The following KCNAB1 variants were observed in gnomAD, a reference collection of about 807,000 sequenced individuals.
The protein encoded by KCNAB1 is potassium voltage-gated channel subfamily A regulatory beta subunit 1, also known as voltage-gated potassium channel subunit beta-1.
Under a neutral mutation model 64.6 loss-of-function variants are expected in KCNAB1, and 35 were observed. That is an observed-to-expected ratio of 0.54 (90% CI 0.41 to 0.72). The LOEUF (loss-of-function observed/expected upper bound fraction) is 0.72, where lower values mean the gene tolerates loss of function less well. KCNAB1 is among the 30% of genes least tolerant of loss of function. The pLI is 0.00. For synonymous variants in KCNAB1, 177 were observed against 183.8 expected, an observed-to-expected ratio of 0.96 and a Z score of 0.30; for missense variants, 401 against 512.9, an observed-to-expected ratio of 0.78 and a Z score of 2.11.
At chr3:156,448,123 T>C (rs972390929) in intron 2 of KCNAB1, among the ~76,000 whole-genome samples, 4 of 152,244 alleles carry the variant, frequency 2.6e-5, no homozygotes, top group African/African-American at 4.8e-5. Context: ...AAATATTCCT[T>C]GGTCCATAAA....
At chr3:156,349,055 TC>T (rs2108080727) in intron 1 of KCNAB1, among the ~76,000 whole-genome samples, 2 of 152,324 alleles carry the variant, frequency 1.3e-5, no homozygotes, top group Non-Finnish European at 2.9e-5. Context: ...AGCTACTGTT[TC>T]CCCTACTTTA....
intron 4 of KCNAB1, among the ~76,000 whole-genome samples, chr3:156,458,503 C>T (rs947463400): frequency 2.0e-5 from 3 of 152,208 alleles, no homozygotes; most frequent in African/African-American, 4.8e-5. Flanking sequence ...AATTGCTGGA[C>T]TTGCTGAATC....
intron 1 of KCNAB1, among the ~76,000 whole-genome samples, chr3:156,271,038 A>G (rs573063457): frequency 3.3e-5 from 5 of 152,354 alleles, no homozygotes; most frequent in African/African-American, 1.2e-4. Context: ...GCTTCTACTG[A>G]AAAGTGTGCT....
At chr3:156,215,785 A>G (rs1715279923) in intron 1 of KCNAB1, 1 of 152,248 alleles carries the variant, frequency 6.6e-6, no homozygotes, top group South Asian at 2.1e-4. Context: ...GAACTGAGGT[A>G]AGAATGGCCT....
chr3:156,169,243 A>G (rs1711802922), intron 1 of KCNAB1, among the ~76,000 whole-genome samples: 1 of 152,348 alleles, frequency 6.6e-6, no homozygotes, highest in East Asian at 1.9e-4. Flanking sequence ...AAGCTCATTT[A>G]GTCTCAATAT....
At chr3:156,137,965 G>T (rs1474272831) in intron 1 of KCNAB1, among the ~76,000 whole-genome samples, 2 of 152,038 alleles carry the variant, frequency 1.3e-5, no homozygotes, top group African/African-American at 4.8e-5. Context: ...TCCCAGACTG[G>T]GTTTAGCCTC....
chr3:156,455,352 C>T (rs1712322729), intron 3 of KCNAB1, among the ~76,000 whole-genome samples: 1 of 152,174 alleles, frequency 6.6e-6, no homozygotes, highest in East Asian at 1.9e-4. Flanking sequence ...GGGGATGTCC[C>T]CATCACTGGG....
At chr3:156,180,702 A>G (rs1712747464) in intron 1 of KCNAB1, among the ~76,000 whole-genome samples, 1 of 152,218 alleles carries the variant, frequency 6.6e-6, no homozygotes. Context: ...AGAGATGAGT[A>G]AAACATCATC....
intron 1 of KCNAB1, among the ~76,000 whole-genome samples, chr3:156,305,516 C>T (rs116563134): frequency 0.019 from 2,943 of 152,290 alleles, 28 homozygotes; most frequent in South Asian, 0.032. Context: ...TTCACATTCA[C>T]GATGGGCTTC....
At chr3:156,360,647 C>G (rs747100387) in intron 1 of KCNAB1, among the ~76,000 whole-genome samples, 8 of 151,558 alleles carry the variant, frequency 5.3e-5, no homozygotes, top group Admixed American at 5.3e-4. Flanking sequence ...CCCAAGAGGT[C>G]AAGGCTGTAG....
rs150630685 is a variant in KCNAB1, at chr3:156,314,466, C to A, written c.276-107150C>A. Among the ~76,000 whole-genome samples the A allele has an allele frequency of 2.3e-3, 349 of 152,278 alleles. 4 individuals carry two copies. The highest frequency in any genetic ancestry group is 7.9e-3 in the African/African-American group (329 of 41,556). On this transcript the variant is annotated intron_variant, in intron 1 of 13. Transcript: ENST00000490337. Reference sequence around the variant, plus strand: ...AGGAATTCTATCAAAGGCCACCCAACCTGCCTGACTCCAGGGGCCAGCCTC... The same window carrying A: ...AGGAATTCTATCAAAGGCCACCCAAACTGCCTGACTCCAGGGGCCAGCCTC...
chr3:156,154,251 A>G (rs1715585004), intron 1 of KCNAB1, among the ~76,000 whole-genome samples: 1 of 151,694 alleles, frequency 6.6e-6, no homozygotes. Context: ...TGTCTAACAC[A>G]CTCATATTAC....
chr3:156,132,828 G>A (rs930798158), intron 1 of KCNAB1, among the ~76,000 whole-genome samples: 4 of 152,182 alleles, frequency 2.6e-5, no homozygotes, highest in Non-Finnish European at 5.9e-5. Context: ...AGAAGCAGGA[G>A]ACAGTGTGGT....
intron 8 of KCNAB1, among the ~76,000 whole-genome samples, chr3:156,482,129 T>A (rs538098974): frequency 6.6e-6 from 1 of 152,088 alleles, no homozygotes; most frequent in Non-Finnish European, 1.5e-5. Flanking sequence ...AGCCCTTTTT[T>A]TCCTCCTAAA....
intron 12 of KCNAB1, among the ~76,000 whole-genome samples, chr3:156,525,169 C>A (rs538632874): frequency 6.6e-6 from 1 of 151,884 alleles, no homozygotes; most frequent in South Asian, 2.1e-4. Flanking sequence ...AAAAAGTTAA[C>A]TGTAAAACAG....
In KCNAB1 at chr3:156,120,738, A is replaced by G. The variant is rs72554022; in HGVS notation, c.127A>G (p.Lys43Glu). The G allele has an allele frequency of 4.4e-5, 71 of 1,614,234 alleles. No homozygotes were observed. Among genetic ancestry groups the G allele is most frequent in the East Asian group, 2.2e-5 (1 of 44,886 alleles). ...KSPKKASENA[K>E]DSSLSPSGES... The stretch of plus-strand genomic sequence containing the variant: ...TCCCAAGAAAGCCTCAGAAAACGCT[A>G]AAGACAGCAGCCTTAGTCCCTCAGG... The change falls in exon 1 of 14, where the codon AAA becomes GAA. Residue 43 changes from lysine (K) to glutamate (E), a missense_variant. Physicochemically the swap from Lys to Glu is moderately conservative, Grantham distance 56. Transcript: ENST00000490337.
At chr3:156,122,323 G>A (rs183803900) in intron 1 of KCNAB1, among the ~76,000 whole-genome samples, 3 of 152,272 alleles carry the variant, frequency 2.0e-5, no homozygotes. Flanking sequence ...AAGTGGCAAA[G>A]GAAAGCATTG....
chr3:156,389,138 G>T (rs1207082895), intron 1 of KCNAB1, among the ~76,000 whole-genome samples: 1 of 152,112 alleles, frequency 6.6e-6, no homozygotes, highest in African/African-American at 2.4e-5. Context: ...TGACAAGCGA[G>T]GTCTTTGTAA....
chr3:156,234,143 T>C (rs922494019), intron 1 of KCNAB1, among the ~76,000 whole-genome samples: 3 of 151,780 alleles, frequency 2.0e-5, no homozygotes, highest in African/African-American at 7.3e-5. Context: ...CCCCAGGGGC[T>C]GGGGTTGGGG....
Sources: gnomAD v4.1 joint callset for allele counts (sites outside exome capture counted in the v4.1 genomes callset) on GRCh38, gnomAD v4.1.1 for gene constraint, MANE v1.5 for transcripts, NCBI Gene and HGNC (gene_info 2026-07-23, HGNC 2026-07-21) for gene names.